NOSIP: variants seen among roughly 807,000 people sequenced by gnomAD.
NOSIP encodes nitric oxide synthase interacting protein.
NOSIP carries 25 observed loss-of-function variants against 36.4 expected under a neutral mutation model. The ratio of observed to expected loss-of-function variants is 0.69; its 90% CI spans 0.50 to 0.96. NOSIP has a LOEUF of 0.96. Ranked by LOEUF, NOSIP falls within the 40% of genes least tolerant of loss-of-function variation. The pLI is 0.00. For missense variants in NOSIP, 370 were observed against 429.0 expected, an observed-to-expected ratio of 0.86 and a Z score of 1.21; for synonymous variants, 187 against 179.2, an observed-to-expected ratio of 1.04 and a Z score of -0.35.
intron 1 of NOSIP, among the ~76,000 whole-genome samples, chr19:49,576,822 C>T (rs769904794): frequency 7.3e-6 from 1 of 136,694 alleles, no homozygotes; most frequent in Non-Finnish European, 1.5e-5. Context: ...AGGCGAAGGT[C>T]GTGATGAGCC....
rs948672790 is a variant in NOSIP at position 49,571,158 on chromosome 19, T to G, written c.-2+9357A>C. On this transcript the variant is annotated intron_variant, in intron 1 of 8. Transcript: ENST00000596358. ...GCTAATTTTTTTTTTTTTTTTTTTG[T>G]ATTTTTTAGTAGAGACAGGGTTTCA... 9.2e-5 allele frequency among the ~76,000 whole-genome samples: 13 copies of G among 141,794 alleles called. No individual in the cohort carries two copies. In the South Asian group the frequency reaches 1.1e-3, roughly 12 times the overall value. 93.0% of individuals were successfully genotyped at this position (141,794 alleles called of 152,430 possible).
At chr19:49,577,785 G>T (rs866378833) in intron 1 of NOSIP, among the ~76,000 whole-genome samples, 1 of 113,088 alleles carries the variant, frequency 8.8e-6, no homozygotes, top group African/African-American at 3.3e-5. Flanking sequence ...AAAAAAAAAA[G>T]AAGTATTGAT....
In NOSIP at chr19:49,562,476, C is replaced by T. The variant is rs1014709203; in HGVS notation, c.-1-1784G>A. 1.1e-4 allele frequency among the ~76,000 whole-genome samples: 16 copies of T among 151,992 alleles called. 2 individuals carry two copies. In the East Asian group the frequency reaches 1.9e-3, roughly 18 times the overall value. The stretch of plus-strand genomic sequence containing the variant: ...GATTTAGAGCCAGGCTCAGGGCTCA[C>T]GCCTGTAATCCCAAAACTTTGGGAG... On this transcript the variant is annotated intron_variant, in intron 1 of 8. Transcript: ENST00000596358.
intron 1 of NOSIP, among the ~76,000 whole-genome samples, chr19:49,561,060 T>G (rs991988196): frequency 3.3e-5 from 5 of 152,162 alleles, no homozygotes; most frequent in Non-Finnish European, 7.3e-5. Context: ...CTATTGTTGA[T>G]GAATCCACTC....
chr19:49,574,494 T>G (rs1002012845), intron 1 of NOSIP, among the ~76,000 whole-genome samples: 1 of 152,148 alleles, frequency 6.6e-6, no homozygotes, highest in African/African-American at 2.4e-5. Flanking sequence ...AATACACAGT[T>G]GTAGCTTTAC....
chr19:49,557,252 G>A lies in NOSIP; in HGVS notation c.259-3C>T. The stretch of plus-strand genomic sequence containing the variant: ...GTGCCCCGCTGCTTCTCGTAGGCCT[G>A]CGTCGGGGAAAGTGGGCTGAGCATC... On this transcript the variant is annotated splice_polypyrimidine_tract_variant and splice_region_variant and intron_variant, in intron 4 of 8. Transcript: ENST00000596358. 1.3e-6 allele frequency: 2 copies of A among 1,577,782 alleles called. No homozygotes were observed.
At chr19:49,562,569 T>A (rs2080349791) in intron 1 of NOSIP, among the ~76,000 whole-genome samples, 1 of 152,086 alleles carries the variant, frequency 6.6e-6, no homozygotes, top group African/African-American at 2.4e-5. Context: ...AAGATCCATC[T>A]CTATTAAATT....
chr19:49,562,217 G>A (rs2080345108), intron 1 of NOSIP, among the ~76,000 whole-genome samples: 1 of 152,164 alleles, frequency 6.6e-6, no homozygotes, highest in South Asian at 2.1e-4. Flanking sequence ...TGCCTCCCAA[G>A]TTAAAGCGAT....
chr19:49,563,587 G>A (rs2080364259), intron 1 of NOSIP, among the ~76,000 whole-genome samples: 1 of 151,406 alleles, frequency 6.6e-6, no homozygotes, highest in Non-Finnish European at 1.5e-5. Context: ...TCCGCCTCTT[G>A]GGTTCAAGCA....
intron 1 of NOSIP, among the ~76,000 whole-genome samples, chr19:49,561,214 A>T (rs1740676515): frequency 6.6e-6 from 1 of 152,184 alleles, no homozygotes; most frequent in Non-Finnish European, 1.5e-5. Context: ...CCAGTCCACT[A>T]GCGACTGGAT....
intron 1 of NOSIP, among the ~76,000 whole-genome samples, chr19:49,576,114 G>A (rs961499816): frequency 2.0e-5 from 3 of 151,816 alleles, no homozygotes; most frequent in Admixed American, 1.3e-4. Flanking sequence ...CAGCCTGAGC[G>A]ACAGAGCGAG....
intron 1 of NOSIP, among the ~76,000 whole-genome samples, chr19:49,572,466 A>G (rs2080498247): frequency 7.7e-6 from 1 of 130,046 alleles, no homozygotes; most frequent in Admixed American, 8.2e-5. Flanking sequence ...TCTGGAGTGC[A>G]AAATAGTGCA....
At chr19:49,570,376 C>T (rs569943136) in intron 1 of NOSIP, among the ~76,000 whole-genome samples, 2 of 152,124 alleles carry the variant, frequency 1.3e-5, no homozygotes, top group African/African-American at 4.8e-5. Flanking sequence ...TCTCTCTCCC[C>T]CTACTGGCGT....
chr19:49,575,281 G>T (rs1232821280), intron 1 of NOSIP, among the ~76,000 whole-genome samples: 1 of 152,216 alleles, frequency 6.6e-6, no homozygotes, highest in African/African-American at 2.4e-5. Context: ...TTATAGGCAT[G>T]AGCCACCATG....
At position 49,560,063 on chromosome 19, in the gene NOSIP, G is replaced by A; in HGVS notation, c.71-24C>T. The A allele has an allele frequency of 6.5e-7, 1 of 1,528,338 alleles. No homozygotes were observed. Among genetic ancestry groups the A allele is most frequent in the Non-Finnish European group, 9.0e-7 (1 of 1,105,282 alleles). 94.7% of individuals were successfully genotyped at this position (1,528,338 alleles called of 1,614,324 possible). A position where few individuals can be genotyped will look rare whatever the true frequency, so the allele number is the denominator to read the frequency against. The stretch of plus-strand genomic sequence containing the variant: ...CGCTGGGGACAGAGATGGGCAGAGT[G>A]ATGGAGGGGCGGAGCAACAGGAGAC... On this transcript the variant is annotated intron_variant, in intron 2 of 8. Coordinates refer to ENST00000596358, the MANE Select transcript of NOSIP (RefSeq NM_001270960.2). This position sits in a 1 kb window ranked among gnomAD's most constrained non-coding sequence, Gnocchi z 4.6.
intron 1 of NOSIP, among the ~76,000 whole-genome samples, chr19:49,571,074 T>C (rs1373879678): frequency 3.3e-5 from 5 of 151,826 alleles, no homozygotes; most frequent in Admixed American, 6.6e-5. Context: ...CCTCCTGGGT[T>C]CAAGCAATTC....
intron 1 of NOSIP, among the ~76,000 whole-genome samples, chr19:49,561,263 G>A (rs2080330738): frequency 6.6e-6 from 1 of 152,176 alleles, no homozygotes; most frequent in African/African-American, 2.4e-5. Context: ...ACCGATCAGA[G>A]GGCAGGTCAG....
rs1043131371 is a variant in NOSIP, at chr19:49,560,199, C to T, written c.71-160G>A. The stretch of plus-strand genomic sequence containing the variant: ...AGCCGCTGCCTGTGTGCTGGGGCCA[C>T]GGGCTGAACCCACAGGGAGTTGTCA... On this transcript the variant is annotated intron_variant, in intron 2 of 8. Transcript: ENST00000596358. The surrounding 1 kb of genome is among the most constrained non-coding windows in gnomAD (Gnocchi z 4.6). The T allele has an allele frequency of 1.2e-5, 7 of 606,268 alleles. No individual in the cohort carries two copies. The highest frequency in any genetic ancestry group is 5.8e-5 in the South Asian group (3 of 51,296). The allele number at this position is 606,268 out of a possible 1,614,324, so 37.6% of individuals were successfully genotyped here.
intron 1 of NOSIP, among the ~76,000 whole-genome samples, chr19:49,567,292 T>G (rs1015972766): frequency 1.3e-5 from 2 of 151,710 alleles, no homozygotes; most frequent in Non-Finnish European, 2.9e-5. Flanking sequence ...CGTATAATTT[T>G]TTGTATTTTT....
Sources: gnomAD v4.1 joint callset for allele counts (sites outside exome capture counted in the v4.1 genomes callset) on GRCh38, gnomAD v4.1.1 for gene constraint, Gnocchi (gnomAD v3.1) non-coding constraint, MANE v1.5 for transcripts, NCBI Gene and HGNC (gene_info 2026-07-23, HGNC 2026-07-21) for gene names.